The following HRH2 variants were observed in gnomAD, a reference collection of about 807,000 sequenced individuals.
The protein encoded by HRH2 is histamine receptor H2, also known as histamine H2 receptor.
Under a neutral mutation model 20.1 loss-of-function variants are expected in HRH2, and 4 were observed. The observed-to-expected ratio is 0.20, with a 90% CI of 0.10 to 0.45. The LOEUF is 0.45. Among genes scored for constraint, HRH2 ranks in the 20% least tolerant of loss-of-function variants. HRH2 has a pLI of 0.99. For missense variants in HRH2, 250 were observed against 461.6 expected, an observed-to-expected ratio of 0.54 and a Z score of 4.20; for synonymous variants, 197 against 200.7, an observed-to-expected ratio of 0.98 and a Z score of 0.16.
At chr5:175,670,226 A>C (rs1271110446) in intron 1 of HRH2, among the ~76,000 whole-genome samples, 1 of 152,250 alleles carries the variant, frequency 6.6e-6, no homozygotes, top group Non-Finnish European at 1.5e-5. Context: ...TGAGCCCAGC[A>C]GTCCAAGACC....
intron 2 of HRH2, among the ~76,000 whole-genome samples, chr5:175,695,092 T>C (rs951082423): frequency 6.6e-6 from 1 of 152,100 alleles, no homozygotes; most frequent in Non-Finnish European, 1.5e-5. Flanking sequence ...CCATGCAGTC[T>C]TCTGGACTTT....
At chr5:175,685,835 T>C (rs934345195) in intron 2 of HRH2, 2 of 284,056 alleles carry the variant, frequency 7.0e-6, no homozygotes, top group African/African-American at 4.4e-5. Context: ...AAAGCTTGCG[T>C]GGATATTGCA....
chr5:175,658,682 C>T (rs972692933), intron 1 of HRH2, among the ~76,000 whole-genome samples: 1 of 151,582 alleles, frequency 6.6e-6, no homozygotes, highest in Non-Finnish European at 1.5e-5. Context: ...GAACGACCTG[C>T]CTTCATCCCG....
At chr5:175,698,016 C>G (rs766904186) in intron 2 of HRH2, among the ~76,000 whole-genome samples, 5 of 152,256 alleles carry the variant, frequency 3.3e-5, no homozygotes, top group Non-Finnish European at 7.3e-5. Context: ...TGCCCACCCA[C>G]ACTCACAGGC....
intron 2 of HRH2, among the ~76,000 whole-genome samples, chr5:175,699,736 G>A (rs1756733923): frequency 6.6e-6 from 1 of 152,038 alleles, no homozygotes; most frequent in Non-Finnish European, 1.5e-5. Context: ...ACCACGCCCG[G>A]CTAATTTTTT....
rs1191262711 is a variant in HRH2, at chr5:175,709,221, G to A, written c.*1250G>A. 3 of 152,086 alleles carry A rather than the reference G, an allele frequency of 2.0e-5. No individual in the cohort carries two copies. The highest frequency in any genetic ancestry group is 4.8e-5 in the African/African-American group (2 of 41,422). 9.4% of individuals were successfully genotyped at this position (152,086 alleles called of 1,614,324 possible). The stretch of plus-strand genomic sequence containing the variant: ...GATCTTCCCCCTCCCTGACATCCCC[G>A]ACCTCCCTTTTCTGTCCCTTTTGCA... On this transcript the variant is annotated 3_prime_UTR_variant, in exon 3 of 3. Transcript: ENST00000636584.
intron 2 of HRH2, among the ~76,000 whole-genome samples, chr5:175,699,356 C>T (rs989071005): frequency 6.6e-6 from 1 of 152,202 alleles, no homozygotes; most frequent in African/African-American, 2.4e-5. Context: ...ATGAGAAAGA[C>T]CCCTGTGAGG....
In HRH2 at chr5:175,683,864, G is replaced by A. The variant is rs1313680749; in HGVS notation, c.631G>A (p.Asp211Asn). 6.2e-7 allele frequency: 1 copy of A among 1,614,034 alleles called. No individual in the cohort carries two copies. Among genetic ancestry groups the A allele is most frequent in the Non-Finnish European group, 8.5e-7 (1 of 1,180,048 alleles). Residue 211 changes from aspartate (D) to asparagine (N), a missense_variant, in exon 2 of 3, where the codon GAT (aspartate) becomes AAT (asparagine). Physicochemically the swap from Asp to Asn is conservative, Grantham distance 23. Transcript: ENST00000636584. Reference sequence around the variant, plus strand: ...CTACCGCATCTTCAAGGTCGCCCGGGATCAGGCCAAGAGGATCAATCACAT... The same window carrying A: ...CTACCGCATCTTCAAGGTCGCCCGGAATCAGGCCAAGAGGATCAATCACAT... ...TYYRIFKVAR[D>N]QAKRINHISS...
Position 175,675,152 on chromosome 5 carries a change from A to C in HRH2, c.-525-7557A>C, listed in dbSNP as rs116895124. ...CTGTGTTTGTAAAATGGGGAAAAGA[A>C]AAATCTCTTGCCTCACATTGTTGTG... On this transcript the variant is annotated intron_variant, in intron 1 of 2. Coordinates refer to ENST00000636584, the MANE Select transcript of HRH2 (RefSeq NM_001367711.1). Among the ~76,000 whole-genome samples the C allele has an allele frequency of 5.9e-3, 901 of 152,342 alleles. 4 individuals carry two copies. Among genetic ancestry groups the C allele is most frequent in the East Asian group, 0.026 (137 of 5,186 alleles).
intron 1 of HRH2, among the ~76,000 whole-genome samples, chr5:175,672,246 C>G (rs777037403): frequency 6.6e-6 from 1 of 152,210 alleles, no homozygotes; most frequent in East Asian, 1.9e-4. Flanking sequence ...CACCCCAGCT[C>G]CTGCCCCTGA....
intron 2 of HRH2, among the ~76,000 whole-genome samples, chr5:175,702,725 C>CT (rs1166650598): frequency 0.011 from 1,420 of 123,640 alleles, 7 homozygotes; most frequent in Non-Finnish European, 0.015. Context: ...CTAATTTTTT[C>CT]TTTTTTTTTT....
chr5:175,707,991 A>C lies in HRH2; in HGVS notation c.*20A>C. The C allele has an allele frequency of 2.5e-6, 1 of 399,156 alleles. No homozygotes were observed. The highest frequency in any genetic ancestry group is 4.4e-6 in the Non-Finnish European group (1 of 226,144). 24.7% of individuals were successfully genotyped at this position (399,156 alleles called of 1,614,324 possible). A position where few individuals can be genotyped will look rare whatever the true frequency, so the allele number is the denominator to read the frequency against. On this transcript the variant is annotated 3_prime_UTR_variant, in exon 3 of 3. Transcript: ENST00000636584. Reference sequence around the variant, plus strand: ...GTCTAGACCTAGCCCCAGGACACTGAAGATACCGCTCCCGGTCCCCAAGAT... The same window carrying C: ...GTCTAGACCTAGCCCCAGGACACTGCAGATACCGCTCCCGGTCCCCAAGAT...
At chr5:175,659,472 C>A (rs538511984) in intron 1 of HRH2, among the ~76,000 whole-genome samples, 47 of 152,252 alleles carry the variant, frequency 3.1e-4, no homozygotes, top group African/African-American at 1.1e-3. Context: ...GAACCTGCTC[C>A]TTGCAGGCCT....
intron 2 of HRH2, among the ~76,000 whole-genome samples, chr5:175,690,401 T>C (rs556976021): frequency 2.8e-4 from 42 of 152,144 alleles, no homozygotes; most frequent in Non-Finnish European, 5.7e-4. Flanking sequence ...ATGCTGATAA[T>C]CATCAGGCTT....
intron 2 of HRH2, among the ~76,000 whole-genome samples, chr5:175,695,674 AAGGTTATT>A (rs1312620531): frequency 6.6e-6 from 1 of 152,142 alleles, no homozygotes; most frequent in Non-Finnish European, 1.5e-5. Context: ...GCGACATCGG[AAGGTTATT>A]AGTTCCTCGA....
At chr5:175,689,876 C>T (rs973636879) in intron 2 of HRH2, among the ~76,000 whole-genome samples, 1 of 152,208 alleles carries the variant, frequency 6.6e-6, no homozygotes, top group African/African-American at 2.4e-5. Context: ...ATCACCACGG[C>T]GTGTCCTGGT....
chr5:175,684,364 T>A lies in HRH2; in HGVS notation c.1076+55T>A, dbSNP rs374730297. The A allele has an allele frequency of 1.8e-5, 28 of 1,574,188 alleles. No individual in the cohort carries two copies. The African/African-American group carries it at 3.4e-4, about 19-fold the overall frequency. ...TGGGGGCAATGGGAGGGGATGCTACTGATGGGAATGATTAAGGGAGCTGCT... is the reference window on the plus strand; with the variant it reads ...TGGGGGCAATGGGAGGGGATGCTACAGATGGGAATGATTAAGGGAGCTGCT... On this transcript the variant is annotated intron_variant, in intron 2 of 2. Transcript: ENST00000636584.
chr5:175,678,759 T>A (rs1755850802), intron 1 of HRH2, among the ~76,000 whole-genome samples: 1 of 152,244 alleles, frequency 6.6e-6, no homozygotes, highest in Admixed American at 6.5e-5. Context: ...AGAAGCCCAA[T>A]CAAGCCTTAA....
chr5:175,681,353 C>T lies in HRH2; in HGVS notation c.-525-1356C>T, dbSNP rs980682304. On this transcript the variant is annotated intron_variant, in intron 1 of 2. Coordinates refer to ENST00000636584, the MANE Select transcript of HRH2 (RefSeq NM_001367711.1). This position sits in a 1 kb window ranked among gnomAD's most constrained non-coding sequence, Gnocchi z 4.3. ...TGCTTCTCATATTCAGGTTGCAAAC[C>T]GCTCCAGGCAAGAGCCTGGGAGAGG... Among the ~76,000 whole-genome samples the T allele has an allele frequency of 2.0e-5, 3 of 152,186 alleles. No individual in the cohort carries two copies. The East Asian group carries it at 5.8e-4, about 29-fold the overall frequency.
Sources: allele counts gnomAD v4.1 joint callset (sites outside exome capture counted in the v4.1 genomes callset), GRCh38; gene constraint gnomAD v4.1.1; non-coding constraint Gnocchi (gnomAD v3.1); transcripts MANE v1.5; gene names NCBI Gene and HGNC (gene_info 2026-07-23, HGNC 2026-07-21).